The following CRACR2A variants were observed in gnomAD, a reference collection of about 807,000 sequenced individuals.
CRACR2A encodes the protein calcium release activated channel regulator 2A.
In CRACR2A, 79 loss-of-function variants were observed where a neutral mutation model predicts 90.5. That is an observed-to-expected ratio of 0.87 (90% confidence interval 0.73 to 1.05). CRACR2A has a LOEUF of 1.05. Ranked by LOEUF, CRACR2A falls within the 50% of genes least tolerant of loss-of-function variation. The pLI is 0.00. For synonymous variants in CRACR2A, 338 were observed against 356.7 expected, an observed-to-expected ratio of 0.95 and a Z score of 0.59; for missense variants, 823 against 897.2, an observed-to-expected ratio of 0.92 and a Z score of 1.06.
chr12:3,680,410 G>A, intron 4 of CRACR2A, 61 bp from the exon 5 acceptor site: 1 of 1,437,818 alleles, frequency 7.0e-7, no homozygotes, highest in Non-Finnish European at 9.8e-7. Context: ...GAGGTGACCT[G>A]GGACTGCAGA....
intron 7 of CRACR2A, among the ~76,000 whole-genome samples, chr12:3,662,188 C>T (rs1042109023): frequency 6.6e-6 from 1 of 152,130 alleles, no homozygotes; most frequent in Non-Finnish European, 1.5e-5. Flanking sequence ...CCCAACCAGA[C>T]TCATATATGG....
At chr12:3,709,487 T>A (rs1945977736) in intron 3 of CRACR2A, among the ~76,000 whole-genome samples, 1 of 152,154 alleles carries the variant, frequency 6.6e-6, no homozygotes, top group Non-Finnish European at 1.5e-5. Flanking sequence ...CTTTACAACC[T>A]CAGTTTCTGG....
chr12:3,752,355 CGG>C (rs745407023), intron 1 of CRACR2A, among the ~76,000 whole-genome samples: 2 of 25,350 alleles, frequency 7.9e-5, no homozygotes, highest in South Asian at 2.0e-3. Flanking sequence ...CACACACACA[CGG>C]ACACACACAC....
chr12:3,619,557 T>G (rs1284818714), intron 17 of CRACR2A, among the ~76,000 whole-genome samples, 185 bp from the exon 18 acceptor site: 1 of 151,822 alleles, frequency 6.6e-6, no homozygotes, highest in East Asian at 2.0e-4. Flanking sequence ...CCTCAGTTTA[T>G]CATGCTTTTG....
At chr12:3,751,938 G>C (rs534488568) in intron 1 of CRACR2A, among the ~76,000 whole-genome samples, 86 of 152,248 alleles carry the variant, frequency 5.6e-4, no homozygotes, top group African/African-American at 1.9e-3. Context: ...CCTGAAAAGG[G>C]GCATGAACTC....
At chr12:3,680,394 G>T in intron 4 of CRACR2A, 45 bp from the exon 5 acceptor site, 1 of 1,540,124 alleles carries the variant, frequency 6.5e-7, no homozygotes, top group Non-Finnish European at 9.0e-7. Flanking sequence ...ACACTCACTG[G>T]TGGGGGAGGT....
intron 14 of CRACR2A, among the ~76,000 whole-genome samples, chr12:3,635,565 G>T (rs905397084): frequency 6.6e-6 from 1 of 152,102 alleles, no homozygotes; most frequent in African/African-American, 2.4e-5. Context: ...GGAGTGCAGT[G>T]GTGTAATCAT....
intron 7 of CRACR2A, chr12:3,672,886 G>C (rs1445553341): frequency 6.5e-6 from 5 of 764,466 alleles, no homozygotes; most frequent in Non-Finnish European, 8.0e-6. Flanking sequence ...TGACGGGAGA[G>C]AGCGGCCAGG....
chr12:3,731,319 T>C (rs1946357960), intron 2 of CRACR2A: 1 of 152,442 alleles, frequency 6.6e-6, no homozygotes. Flanking sequence ...CATTCCTCGA[T>C]AGTTAAGGCT....
At chr12:3,739,795 A>G (rs1366924313) in intron 1 of CRACR2A, among the ~76,000 whole-genome samples, 6 of 152,134 alleles carry the variant, frequency 3.9e-5, no homozygotes, top group Admixed American at 3.9e-4. Context: ...TCAGCCGGAC[A>G]TGGTGGTGCG....
intron 5 of CRACR2A, among the ~76,000 whole-genome samples, 197 bp from the exon 6 acceptor site, chr12:3,679,295 C>G (rs1945401580): frequency 6.6e-6 from 1 of 152,204 alleles, no homozygotes; most frequent in Non-Finnish European, 1.5e-5. Context: ...CCACAAACAC[C>G]CCATCAGTGA....
At chr12:3,703,238 G>A (rs771793292) in intron 3 of CRACR2A, among the ~76,000 whole-genome samples, 30 of 152,078 alleles carry the variant, frequency 2.0e-4, no homozygotes, top group Non-Finnish European at 3.4e-4. Flanking sequence ...ACAGGCGCCC[G>A]CCACCACGCC....
At chr12:3,618,610 G>A (rs1289146514) in intron 18 of CRACR2A, among the ~76,000 whole-genome samples, 5 of 152,118 alleles carry the variant, frequency 3.3e-5, no homozygotes, top group South Asian at 2.1e-4. Context: ...TGTTTAGGAT[G>A]AGCATGCAAA....
At chr12:3,690,588 C>A (rs1292042808) in intron 4 of CRACR2A, among the ~76,000 whole-genome samples, 1 of 152,006 alleles carries the variant, frequency 6.6e-6, no homozygotes, top group Non-Finnish European at 1.5e-5. Context: ...ATTATGTGGC[C>A]AAATTAAGAG....
intron 3 of CRACR2A, among the ~76,000 whole-genome samples, chr12:3,704,519 C>T (rs572035500): frequency 3.5e-4 from 53 of 152,108 alleles, no homozygotes; most frequent in Middle Eastern, 3.4e-3. Context: ...TACACATATA[C>T]AAATGTATAT....
chr12:3,689,344 C>T (rs1205467078), intron 4 of CRACR2A, among the ~76,000 whole-genome samples: 1 of 152,032 alleles, frequency 6.6e-6, no homozygotes, highest in African/African-American at 2.4e-5. Flanking sequence ...ATAGATGGCT[C>T]TTATTATTTT....
At chr12:3,697,152 CT>C in intron 3 of CRACR2A, 117 bp from the exon 4 acceptor site, 1 of 1,247,344 alleles carries the variant, frequency 8.0e-7, no homozygotes, top group Non-Finnish European at 1.1e-6. Context: ...CCAGGAATCT[CT>C]TAGCAACTAC....
At chr12:3,666,595 G>A (rs1945155645) in intron 7 of CRACR2A, among the ~76,000 whole-genome samples, 1 of 152,236 alleles carries the variant, frequency 6.6e-6, no homozygotes, top group African/African-American at 2.4e-5. Flanking sequence ...CCTCCCACAG[G>A]AACTGTGAAA....
intron 1 of CRACR2A, among the ~76,000 whole-genome samples, chr12:3,734,229 A>T (rs188761510): frequency 1.3e-5 from 2 of 151,664 alleles, no homozygotes; most frequent in African/African-American, 4.8e-5. Flanking sequence ...TGCCCGCCTC[A>T]GCCTCCCAAA....
Sources: gnomAD v4.1 joint callset for allele counts (sites outside exome capture counted in the v4.1 genomes callset) on GRCh38, gnomAD v4.1.1 for gene constraint, MANE v1.5 for transcripts, NCBI Gene and HGNC (gene_info 2026-07-23, HGNC 2026-07-21) for gene names.